The following MYO6 variants were observed in gnomAD, a reference collection of about 807,000 sequenced individuals.
MYO6 encodes the protein myosin VI, also known as unconventional myosin-VI.
Under a neutral mutation model 178.7 loss-of-function variants are expected in MYO6, and 74 were observed. That is an observed-to-expected ratio of 0.41 (90% CI 0.34 to 0.50). MYO6 has a LOEUF of 0.50. MYO6 is among the 20% of genes least tolerant of loss of function. The pLI is 0.09. For missense variants in MYO6, 1,330 were observed against 1,547.4 expected (o/e 0.86, Z 2.36); for synonymous variants, 477 against 504.6 (o/e 0.95, Z 0.73).
intron 1 of MYO6, among the ~76,000 whole-genome samples, chr6:75,790,831 GATA>G (rs1208613195): frequency 2.6e-5 from 4 of 152,218 alleles, no homozygotes; most frequent in African/African-American, 7.2e-5. Context: ...ATTTTCTTGT[GATA>G]ATAAGTAAAT....
chr6:75,825,189 T>A (rs889010183), intron 3 of MYO6, among the ~76,000 whole-genome samples: 1 of 152,184 alleles, frequency 6.6e-6, no homozygotes, highest in Non-Finnish European at 1.5e-5. Context: ...AAAAGGAAAA[T>A]AATAGCATTT....
intron 1 of MYO6, among the ~76,000 whole-genome samples, chr6:75,756,363 C>T (rs373044793): frequency 4.6e-5 from 7 of 152,034 alleles, no homozygotes; most frequent in Non-Finnish European, 7.4e-5. Context: ...GACGGAGTCT[C>T]GCTCTGTCAC....
At chr6:75,888,075 AG>A (rs1778603683) in intron 25 of MYO6, among the ~76,000 whole-genome samples, 1 of 151,830 alleles carries the variant, frequency 6.6e-6, no homozygotes, top group Non-Finnish European at 1.5e-5. Context: ...GGATTATTTG[AG>A]GTCAGGAGGT....
At chr6:75,768,911 A>T (rs1209493982) in intron 1 of MYO6, among the ~76,000 whole-genome samples, 2 of 152,216 alleles carry the variant, frequency 1.3e-5, no homozygotes, top group Non-Finnish European at 2.9e-5. Flanking sequence ...TGGTACCAGC[A>T]TCTGCTTCTG....
chr6:75,895,547 C>T (rs1363802121), intron 29 of MYO6, among the ~76,000 whole-genome samples: 25 of 140,190 alleles, frequency 1.8e-4, no homozygotes, highest in African/African-American at 5.3e-4. Flanking sequence ...GACAGAGTTT[C>T]GCTTTTGTTG....
At position 75,879,712 on chromosome 6, in the gene MYO6, C is replaced by T. The variant is rs563328165; in HGVS notation, c.2078-108C>T. ...ATAATATTTAGTTGCTGATAATTCT[C>T]ATAAATTGCCCGTTTCTAAACAGTA... On this transcript the variant is annotated intron_variant, in intron 20 of 34. Transcript: ENST00000369977. The T allele has an allele frequency of 1.2e-4, 182 of 1,478,872 alleles. No individual in the cohort carries two copies. The East Asian group carries it at 4.0e-3, about 33-fold the overall frequency. 91.6% of individuals were successfully genotyped at this position (1,478,872 alleles called of 1,614,324 possible).
At chr6:75,760,147 C>T (rs949840662) in intron 1 of MYO6, among the ~76,000 whole-genome samples, 3 of 152,104 alleles carry the variant, frequency 2.0e-5, no homozygotes, top group Non-Finnish European at 2.9e-5. Flanking sequence ...AATAGTTGTT[C>T]GTCCTTCCCA....
intron 1 of MYO6, among the ~76,000 whole-genome samples, chr6:75,766,322 CA>C (rs974926072): frequency 1.2e-4 from 18 of 149,124 alleles, no homozygotes; most frequent in Non-Finnish European, 2.2e-4. Flanking sequence ...GACTCTGTCT[CA>C]AAAAAAAGAA....
intron 1 of MYO6, among the ~76,000 whole-genome samples, chr6:75,779,747 G>A (rs573331460): frequency 4.6e-4 from 70 of 152,238 alleles, no homozygotes; most frequent in African/African-American, 1.6e-3. Context: ...ATTTCATGTG[G>A]TAATTATTAC....
At chr6:75,860,053 T>G (rs866323449) in intron 14 of MYO6, among the ~76,000 whole-genome samples, 4 of 152,238 alleles carry the variant, frequency 2.6e-5, no homozygotes, top group Admixed American at 6.5e-5. Context: ...GTCAGGAGAT[T>G]TGATGCATCC....
chr6:75,870,399 TA>T (rs1777052169), intron 18 of MYO6, among the ~76,000 whole-genome samples: 2 of 152,238 alleles, frequency 1.3e-5, no homozygotes, highest in African/African-American at 4.8e-5. Flanking sequence ...ATGTTTTTAA[TA>T]TTGCTAATTT....
chr6:75,877,701 A>C (rs1202574258), intron 20 of MYO6, among the ~76,000 whole-genome samples: 1 of 152,082 alleles, frequency 6.6e-6, no homozygotes, highest in Non-Finnish European at 1.5e-5. Flanking sequence ...CTCTGCACCG[A>C]GAAGCCACTC....
intron 3 of MYO6, among the ~76,000 whole-genome samples, chr6:75,826,031 A>C (rs772633590): frequency 7.2e-5 from 11 of 152,228 alleles, no homozygotes; most frequent in Non-Finnish European, 1.6e-4. Context: ...TTGCATGTAA[A>C]TAGCCAAGCC....
chr6:75,863,556 G>A (rs1180814098), intron 16 of MYO6, among the ~76,000 whole-genome samples: 1 of 151,932 alleles, frequency 6.6e-6, no homozygotes, highest in Non-Finnish European at 1.5e-5. Context: ...TGCGATCTCG[G>A]CTCACTGCAA....
intron 25 of MYO6, among the ~76,000 whole-genome samples, chr6:75,887,639 CA>C (rs71002772): frequency 3.7e-5 from 4 of 107,920 alleles, no homozygotes; most frequent in East Asian, 2.6e-4. Context: ...GACTCCATCT[CA>C]AAAAAAAAAA....
intron 26 of MYO6, among the ~76,000 whole-genome samples, 173 bp downstream of exon 26, chr6:75,890,438 G>A (rs1161565489): frequency 1.3e-5 from 2 of 152,048 alleles, no homozygotes; most frequent in Admixed American, 6.6e-5. Flanking sequence ...TCTGCCTCTC[G>A]GGTTCAATCG....
intron 2 of MYO6, among the ~76,000 whole-genome samples, chr6:75,818,987 T>G (rs1771580193): frequency 6.6e-6 from 1 of 152,194 alleles, no homozygotes; most frequent in African/African-American, 2.4e-5. Context: ...TCCTAGGTGT[T>G]TATATATAGT....
At chr6:75,794,756 AAAAAT>A (rs1562168555) in intron 1 of MYO6, among the ~76,000 whole-genome samples, 50 of 145,438 alleles carry the variant, frequency 3.4e-4, no homozygotes, top group African/African-American at 1.0e-3. Flanking sequence ...AAATAAAAAA[AAAAAT>A]AAAATGTGCT....
chr6:75,753,455 G>GTGTGTATATATATATA (rs370647728), intron 1 of MYO6, among the ~76,000 whole-genome samples: 34 of 140,038 alleles, frequency 2.4e-4, no homozygotes, highest in African/African-American at 8.3e-4. Context: ...GTGTGTGTGT[G>GTGTGTATATATATATA]TATATATATA....
Sources: allele counts gnomAD v4.1 joint callset (sites outside exome capture counted in the v4.1 genomes callset), GRCh38; gene constraint gnomAD v4.1.1; transcripts MANE v1.5; gene names NCBI Gene and HGNC (gene_info 2026-07-23, HGNC 2026-07-21).